The following LIN52 variants were observed in gnomAD, a reference collection of about 807,000 sequenced individuals.
The protein encoded by LIN52 is protein lin-52 homolog.
Under a neutral mutation model 18.5 loss-of-function variants are expected in LIN52, and 4 were observed. The observed-to-expected ratio is 0.22, with a 90% CI of 0.11 to 0.49. The LOEUF (loss-of-function observed/expected upper bound fraction) is 0.49. Ranked by LOEUF, LIN52 falls within the 20% of genes least tolerant of loss-of-function variation. The pLI is 0.97. For synonymous variants in LIN52, 34 were observed against 45.5 expected (o/e 0.75, Z 1.02); for missense variants, 102 against 139.5 (o/e 0.73, Z 1.35).
chr14:74,185,240 G>A (rs2139589567), intron 5 of LIN52, among the ~76,000 whole-genome samples: 1 of 150,594 alleles, frequency 6.6e-6, no homozygotes, highest in East Asian at 2.0e-4. Context: ...CAATAATGCA[G>A]CCAGTTCAAA....
chr14:74,193,263 A>G (rs2078891084), intron 5 of LIN52, among the ~76,000 whole-genome samples: 1 of 148,676 alleles, frequency 6.7e-6, no homozygotes, highest in South Asian at 2.1e-4. Context: ...AAAAAAAAAG[A>G]AAAAAATTAG....
At chr14:74,113,732 C>T (rs566067268) in intron 5 of LIN52, among the ~76,000 whole-genome samples, 3 of 151,716 alleles carry the variant, frequency 2.0e-5, no homozygotes, top group East Asian at 1.9e-4. Context: ...TTTGGGGAGA[C>T]CCTTTACTAA....
chr14:74,199,166 C>A lies in LIN52; in HGVS notation c.*189C>A. ...AGCAGCAAGAGAAGAATCTGCTCTA[C>A]CCAAGGATCATTGCAGTTACTCAAT... On this transcript the variant is annotated 3_prime_UTR_variant, in exon 6 of 6. Transcript: ENST00000555028. 1 of 499,436 alleles carries A rather than the reference C, an allele frequency of 2.0e-6. No homozygotes were observed. The highest frequency in any genetic ancestry group is 3.4e-5 in the South Asian group (1 of 29,090). The allele number at this position is 499,436 out of a possible 1,614,324, so 30.9% of individuals were successfully genotyped here. A position where few individuals can be genotyped will look rare whatever the true frequency, so the allele number is the denominator to read the frequency against.
intron 5 of LIN52, among the ~76,000 whole-genome samples, chr14:74,174,301 C>G (rs989101940): frequency 1.4e-4 from 22 of 152,088 alleles, no homozygotes; most frequent in African/African-American, 5.3e-4. Context: ...GATAGTATAG[C>G]CTACTACACA....
At chr14:74,159,314 T>G (rs754913453) in intron 5 of LIN52, among the ~76,000 whole-genome samples, 1 of 152,200 alleles carries the variant, frequency 6.6e-6, no homozygotes, top group African/African-American at 2.4e-5. Context: ...TAAGAGAAGA[T>G]CTCTTGGTAA....
At chr14:74,197,480 C>G (rs1385651038) in intron 5 of LIN52, among the ~76,000 whole-genome samples, 1 of 152,112 alleles carries the variant, frequency 6.6e-6, no homozygotes, top group African/African-American at 2.4e-5. Flanking sequence ...ACAGTCTCTG[C>G]CTTCAGTTTT....
chr14:74,193,761 G>C (rs1019514724), intron 5 of LIN52, among the ~76,000 whole-genome samples: 3 of 152,206 alleles, frequency 2.0e-5, no homozygotes, highest in Non-Finnish European at 4.4e-5. Flanking sequence ...ATGTGGCCCA[G>C]GGTCAATGTA....
At chr14:74,107,819 T>C (rs2060906042) in intron 5 of LIN52, among the ~76,000 whole-genome samples, 1 of 152,208 alleles carries the variant, frequency 6.6e-6, no homozygotes. Flanking sequence ...CGGCTAAACC[T>C]TGGGACCCTG....
intron 5 of LIN52, among the ~76,000 whole-genome samples, chr14:74,156,426 G>A (rs1054313418): frequency 1.3e-5 from 2 of 152,108 alleles, no homozygotes; most frequent in African/African-American, 2.4e-5. Flanking sequence ...CATGGTCAAT[G>A]GTGAGAAAAG....
At chr14:74,197,286 A>G (rs1224015672) in intron 5 of LIN52, among the ~76,000 whole-genome samples, 2 of 152,206 alleles carry the variant, frequency 1.3e-5, no homozygotes, top group South Asian at 2.1e-4. Flanking sequence ...AGTCTGTAGC[A>G]GGTCGGTAAG....
At chr14:74,100,106 G>A (rs548808655) in intron 4 of LIN52, among the ~76,000 whole-genome samples, 1 of 152,260 alleles carries the variant, frequency 6.6e-6, no homozygotes, top group African/African-American at 2.4e-5. Flanking sequence ...TAAGTGTTTT[G>A]TTGCCACTTT....
intron 5 of LIN52, among the ~76,000 whole-genome samples, chr14:74,156,605 G>A (rs1007132730): frequency 6.6e-6 from 1 of 152,190 alleles, no homozygotes; most frequent in Non-Finnish European, 1.5e-5. Context: ...AGGGTAACTA[G>A]TATATCCATC....
chr14:74,136,725 T>C (rs917009672), intron 5 of LIN52, among the ~76,000 whole-genome samples: 4 of 152,214 alleles, frequency 2.6e-5, no homozygotes, highest in African/African-American at 9.7e-5. Flanking sequence ...TTGATAACTT[T>C]GTATTAAAGG....
chr14:74,103,733 GTTTTTTTTTTTTTTTTT>G (rs573188668), intron 5 of LIN52, among the ~76,000 whole-genome samples: 14 of 46,036 alleles, frequency 3.0e-4, no homozygotes, highest in Admixed American at 1.1e-3. Flanking sequence ...GGCCTGGCCA[GTTTTTTTTTTTTTTTTT>G]TTTTTTTTTT....
chr14:74,128,576 A>G (rs112309330), intron 5 of LIN52, among the ~76,000 whole-genome samples: 8 of 152,336 alleles, frequency 5.3e-5, no homozygotes, highest in Non-Finnish European at 1.0e-4. Flanking sequence ...CATCTGTCAA[A>G]ACATACCAAA....
intron 5 of LIN52, chr14:74,192,745 AT>A: frequency 3.8e-6 from 1 of 264,736 alleles, no homozygotes; most frequent in South Asian, 4.7e-5. Flanking sequence ...TGGGCAGCCA[AT>A]TAATGAGACA....
chr14:74,101,592 G>A (rs2060856405), intron 5 of LIN52, among the ~76,000 whole-genome samples: 1 of 150,968 alleles, frequency 6.6e-6, no homozygotes, highest in Non-Finnish European at 1.5e-5. Flanking sequence ...CCAAGTAGCT[G>A]GGACTACAGG....
At chr14:74,119,227 T>A (rs1595162010) in intron 5 of LIN52, among the ~76,000 whole-genome samples, 1 of 146,954 alleles carries the variant, frequency 6.8e-6, no homozygotes, top group Non-Finnish European at 1.5e-5. Context: ...AGTGGCACCA[T>A]CTTGGCTCAC....
At chr14:74,101,038 A>G in intron 4 of LIN52, 117 bp from the exon 5 acceptor site, 1 of 768,708 alleles carries the variant, frequency 1.3e-6, no homozygotes, top group Non-Finnish European at 2.2e-6. Flanking sequence ...TCCATTTTCT[A>G]CTTATTCAGT....
Sources: gnomAD v4.1 joint callset for allele counts (sites outside exome capture counted in the v4.1 genomes callset) on GRCh38, gnomAD v4.1.1 for gene constraint, MANE v1.5 for transcripts, NCBI Gene and HGNC (gene_info 2026-07-23, HGNC 2026-07-21) for gene names.